The following SYNPO2 variants were observed in gnomAD, a reference collection of about 807,000 sequenced individuals.
SYNPO2 encodes synaptopodin-2.
Under a neutral mutation model 85.0 loss-of-function variants are expected in SYNPO2, and 56 were observed. The ratio of observed to expected loss-of-function variants is 0.66; its 90% CI spans 0.53 to 0.82. The LOEUF is 0.82. Among genes scored for constraint, SYNPO2 ranks in the 40% least tolerant of loss-of-function variants. The probability of loss-of-function intolerance (pLI) is 0.00; values close to 1 mark genes in which losing one functional copy is unlikely to be tolerated. For missense variants in SYNPO2, 1,575 were observed against 1,534.2 expected (o/e 1.03, Z -0.44); for synonymous variants, 602 against 591.1 (o/e 1.02, Z -0.27).
chr4:119,038,449 G>A, intron 4 of SYNPO2: 1 of 985,340 alleles, frequency 1.0e-6, no homozygotes, highest in Non-Finnish European at 1.2e-6. Context: ...AATGAATAGT[G>A]TTGTTCGTTG....
At chr4:118,971,148 T>C (rs1355481622) in intron 1 of SYNPO2, among the ~76,000 whole-genome samples, 2 of 152,242 alleles carry the variant, frequency 1.3e-5, no homozygotes, top group Non-Finnish European at 2.9e-5. Flanking sequence ...TGAAGATGAA[T>C]ATATGTTATA....
At chr4:119,051,186 A>ATGTGTTTTTTTTTT (rs376359189) in intron 4 of SYNPO2, among the ~76,000 whole-genome samples, 1 of 100,720 alleles carries the variant, frequency 9.9e-6, no homozygotes, top group African/African-American at 3.9e-5. Flanking sequence ...ATGGGAAGCA[A>ATGTGTTTTTTTTTT]TTTTTTTTTT....
At chr4:118,880,636 T>C (rs1261667169) in intron 1 of SYNPO2, among the ~76,000 whole-genome samples, 4 of 151,034 alleles carry the variant, frequency 2.6e-5, no homozygotes, top group Non-Finnish European at 5.9e-5. Flanking sequence ...TAATCCCAGC[T>C]ACTTGGGCGG....
intron 1 of SYNPO2, among the ~76,000 whole-genome samples, chr4:118,852,154 A>G (rs1370499952): frequency 1.3e-5 from 2 of 152,254 alleles, no homozygotes; most frequent in Non-Finnish European, 2.9e-5. Flanking sequence ...GGAAATGCAA[A>G]TCAAAACCAC....
chr4:118,856,145 G>T (rs144405836), intron 1 of SYNPO2, among the ~76,000 whole-genome samples: 1 of 152,146 alleles, frequency 6.6e-6, no homozygotes, highest in Non-Finnish European at 1.5e-5. Flanking sequence ...TTGAGGGTAG[G>T]AGCCATATAT....
intron 1 of SYNPO2, among the ~76,000 whole-genome samples, chr4:118,902,869 A>G (rs1297130179): frequency 6.6e-6 from 1 of 152,212 alleles, no homozygotes; most frequent in Non-Finnish European, 1.5e-5. Context: ...TTTAACCTTG[A>G]CACCATACCT....
At position 119,022,724 on chromosome 4, in the gene SYNPO2, A is replaced by AATTTTATTTTATTTTATGTTTT. The variant is rs1553947325; in HGVS notation, c.106-688_106-667dup. On this transcript the variant is annotated intron_variant, in intron 1 of 4. Coordinates refer to ENST00000307142, the MANE Select transcript of SYNPO2 (RefSeq NM_133477.3). ...TTTATTTTATATTTTATTTTATTTT[A>AATTTTATTTTATTTTATGTTTT]ATTTTATTTTATTTTATGTTTTATT... Among the ~76,000 whole-genome samples, 490 of 142,202 alleles carry AATTTTATTTTATTTTATGTTTT rather than the reference A, an allele frequency of 3.4e-3. 5 individuals are homozygous for AATTTTATTTTATTTTATGTTTT. The highest frequency in any genetic ancestry group is 5.3e-3 in the Non-Finnish European group (350 of 65,516). 93.3% of individuals were successfully genotyped at this position (142,202 alleles called of 152,430 possible). A position where few individuals can be genotyped will look rare whatever the true frequency, so the allele number is the denominator to read the frequency against.
At chr4:118,890,682 T>C (rs1732333221) in intron 1 of SYNPO2, among the ~76,000 whole-genome samples, 1 of 137,082 alleles carries the variant, frequency 7.3e-6, no homozygotes. Context: ...CTCTCACCCT[T>C]CCTGTCTCAT....
Position 119,031,437 on chromosome 4 carries a change from G to C in SYNPO2, c.2662G>C (p.Val888Leu). 3.1e-6 allele frequency: 5 copies of C among 1,614,128 alleles called. No homozygotes were observed. The highest frequency in any genetic ancestry group is 4.2e-6 in the Non-Finnish European group (5 of 1,180,036). ...KRQSRMEKYV[V>L]DSDTVQAHAA... ...GCAGTCGAGAATGGAGAAGTATGTG[G>C]TCGATTCAGACACGGTGCAGGCCCA... The change falls in exon 4 of 5, where the codon GTC (valine) becomes CTC (leucine). Residue 888 changes from valine (V) to leucine (L), a missense_variant. This residue lies in a region of SYNPO2 where 1,508 missense variants were observed against 1,446.8 expected (regional missense o/e 1.04). Transcript: ENST00000307142.
chr4:119,058,022 A>G lies in SYNPO2; in HGVS notation c.*88A>G. On this transcript the variant is annotated 3_prime_UTR_variant, in exon 5 of 5. Coordinates refer to ENST00000307142, the MANE Select transcript of SYNPO2 (RefSeq NM_133477.3). ...TTTTAAACTTTTCTAATAGATTTAG[A>G]TTCACTTTTGGTCTTGGCTTGTTCT... is the stretch of plus-strand genomic sequence containing the variant. 1 of 1,425,312 alleles carries G rather than the reference A, an allele frequency of 7.0e-7. No homozygotes were observed. The highest frequency in any genetic ancestry group is 9.4e-7 in the Non-Finnish European group (1 of 1,062,838). The allele number at this position is 1,425,312 out of a possible 1,614,324, so 88.3% of individuals were successfully genotyped here. A position where few individuals can be genotyped will look rare whatever the true frequency, so the allele number is the denominator to read the frequency against.
chr4:118,887,220 G>A (rs1732217105), upstream of SYNPO2, among the ~76,000 whole-genome samples: 1 of 150,114 alleles, frequency 6.7e-6, no homozygotes, highest in Non-Finnish European at 1.5e-5. Flanking sequence ...CTGATGGGAT[G>A]GTCAGGGCTG....
chr4:118,882,109 G>T (rs539406958), intron 1 of SYNPO2, among the ~76,000 whole-genome samples: 2 of 152,272 alleles, frequency 1.3e-5, no homozygotes, highest in East Asian at 3.9e-4. Context: ...CTTTGTCTGG[G>T]ATATTAATTT....
At chr4:119,032,702 T>C (rs1312325521) in intron 4 of SYNPO2, 3 of 967,708 alleles carry the variant, frequency 3.1e-6, no homozygotes, top group Non-Finnish European at 3.7e-6. Context: ...TTTACATATA[T>C]AAACTCATTT....
rs777021638 is a variant in SYNPO2 at position 119,030,502 on chromosome 4, C to G, written c.1727C>G (p.Thr576Arg). The G allele has an allele frequency of 1.2e-6, 2 of 1,614,088 alleles. No individual in the cohort carries two copies. The highest frequency in any genetic ancestry group is 1.7e-6 in the Non-Finnish European group (2 of 1,179,968). ...QQNGFSGTSE[T>R]ANIQRMVPMN... ...AATGGCTTCAGTGGGACATCTGAGA[C>G]AGCAAACATCCAGAGGATGGTCCCC... Residue 576 changes from threonine to arginine, a missense_variant, in exon 4 of 5, where the codon ACA (threonine) becomes AGA (arginine). By Grantham distance (71) the Thr-to-Arg change is moderately conservative (BLOSUM62 -1). This residue lies in a region of SYNPO2 where 1,508 missense variants were observed against 1,446.8 expected (regional missense o/e 1.04). Coordinates refer to ENST00000307142, the MANE Select transcript of SYNPO2 (RefSeq NM_133477.3).
chr4:118,890,727 C>CTG (rs1732342731), intron 1 of SYNPO2, among the ~76,000 whole-genome samples: 1 of 146,378 alleles, frequency 6.8e-6, no homozygotes, highest in Non-Finnish European at 1.5e-5. Context: ...CTCTCTCTCT[C>CTG]TCTCTCTGTG....
intron 1 of SYNPO2, among the ~76,000 whole-genome samples, chr4:118,973,298 T>C (rs1039467760): frequency 2.0e-5 from 3 of 152,124 alleles, no homozygotes; most frequent in Admixed American, 2.0e-4. Context: ...TTTCTCAGCA[T>C]TTTAAAAAGT....
intron 1 of SYNPO2, among the ~76,000 whole-genome samples, chr4:118,908,219 T>C (rs1733001408): frequency 6.6e-6 from 1 of 152,182 alleles, no homozygotes; most frequent in South Asian, 2.1e-4. Context: ...TCCTTTCTTT[T>C]ATTTTATATT....
At chr4:118,953,571 G>T (rs183157445) in intron 1 of SYNPO2, among the ~76,000 whole-genome samples, 4 of 151,380 alleles carry the variant, frequency 2.6e-5, no homozygotes, top group African/African-American at 9.7e-5. Flanking sequence ...GAGAGACTCT[G>T]GAGGACTCAA....
rs949641120 is a variant in SYNPO2 at position 118,857,107 on chromosome 4, A to G, written c.12+6167A>G. Among the ~76,000 whole-genome samples the G allele has an allele frequency of 2.0e-5, 3 of 152,134 alleles. No homozygotes were observed. In the East Asian group the frequency reaches 5.8e-4, roughly 29 times the overall value. ...ATATAATCAAGCTACTTATATGATG[A>G]TAGTGTATTAAACTCAGCAATTGCC... On this transcript the variant is annotated intron_variant, in intron 1 of 4. Coordinates refer to the SYNPO2 transcript ENST00000610556.
Sources: gnomAD v4.1 joint callset for allele counts (sites outside exome capture counted in the v4.1 genomes callset) on GRCh38, gnomAD v4.1.1 for gene constraint, gnomAD v4.1.1 regional missense constraint, MANE v1.5 for transcripts, NCBI Gene and HGNC (gene_info 2026-07-23, HGNC 2026-07-21) for gene names.